PXN: variants seen among roughly 807,000 people sequenced by gnomAD.
PXN encodes the protein paxillin.
A neutral mutation model predicts 103.6 loss-of-function variants in PXN; 61 were observed. The ratio of observed to expected loss-of-function variants is 0.59; its 90% confidence interval spans 0.48 to 0.73. PXN has a LOEUF of 0.73. PXN is among the 30% of genes least tolerant of loss of function. The pLI is 0.00. For synonymous variants in PXN, 562 were observed against 607.8 expected (o/e 0.92, Z 1.11); for missense variants, 1,274 against 1,460.3 (o/e 0.87, Z 2.08).
chr12:120,255,567 G>A (rs909131134), intron 1 of PXN, among the ~76,000 whole-genome samples: 57 of 152,060 alleles, frequency 3.7e-4, no homozygotes, highest in African/African-American at 1.1e-3. Flanking sequence ...GGTGGCGGGC[G>A]CCTGTAGTCC....
rs1894608804 is a variant in PXN, at chr12:120,265,712, G to T, written c.-83C>A. ...GTCTATGCCCCGCAACTTTTCCGCCGCGAGCCTCGGCCCGGAACGGAACGC... is the reference window on the plus strand; with the variant it reads ...GTCTATGCCCCGCAACTTTTCCGCCTCGAGCCTCGGCCCGGAACGGAACGC... On this transcript the variant is annotated 5_prime_UTR_variant, in exon 1 of 15. Transcript: ENST00000637617. The surrounding 1 kb of genome is among the most constrained non-coding windows in gnomAD (Gnocchi z 5.7). 1.6e-6 allele frequency: 2 copies of T among 1,223,020 alleles called. No homozygotes were observed. The highest frequency in any genetic ancestry group is 2.1e-6 in the Non-Finnish European group (2 of 971,404). 75.8% of individuals were successfully genotyped at this position (1,223,020 alleles called of 1,614,324 possible). A position where few individuals can be genotyped will look rare whatever the true frequency, so the allele number is the denominator to read the frequency against.
At chr12:120,226,863 T>TATA in intron 1 of PXN, 3 of 1,002,336 alleles carry the variant, frequency 3.0e-6, no homozygotes, top group Non-Finnish European at 3.6e-6. Context: ...GTGAGGTTTA[T>TATA]AAGGGCTAGC....
intron 1 of PXN, among the ~76,000 whole-genome samples, chr12:120,252,281 T>C (rs1892314018): frequency 6.6e-6 from 1 of 152,166 alleles, no homozygotes; most frequent in Non-Finnish European, 1.5e-5. Flanking sequence ...CAAGGGGTAT[T>C]TGAAAGGCAG....
At chr12:120,226,583 A>T in intron 1 of PXN, 3 of 1,194,644 alleles carry the variant, frequency 2.5e-6, no homozygotes, top group Non-Finnish European at 3.2e-6. Context: ...ATGTGATTCT[A>T]AGCCTGGGCT....
intron 1 of PXN, among the ~76,000 whole-genome samples, chr12:120,231,437 T>G (rs745461686): frequency 3.9e-5 from 6 of 152,236 alleles, no homozygotes; most frequent in Non-Finnish European, 8.8e-5. Flanking sequence ...TCTCCTCCGC[T>G]GACTCATGCC....
Position 120,212,721 on chromosome 12 carries a change from A to C in PXN, c.2980-141T>G. 1.1e-6 allele frequency: 1 copy of C among 909,130 alleles called. No individual in the cohort carries two copies. The highest frequency in any genetic ancestry group is 1.6e-6 in the Non-Finnish European group (1 of 632,888). 56.3% of individuals were successfully genotyped at this position (909,130 alleles called of 1,614,324 possible). A position where few individuals can be genotyped will look rare whatever the true frequency, so the allele number is the denominator to read the frequency against. On this transcript the variant is annotated intron_variant, in intron 14 of 14. Coordinates refer to ENST00000637617, the MANE Select transcript of PXN (RefSeq NM_001385981.1). This position sits in a 1 kb window ranked among gnomAD's most constrained non-coding sequence, Gnocchi z 7.2. ...CGTTTCCCATGTGCCGTGTTGTCCT[A>C]AACGCTCATTTTTCATTTTTATTTT...
chr12:120,263,602 G>A (rs905945805), intron 1 of PXN, among the ~76,000 whole-genome samples: 4 of 152,152 alleles, frequency 2.6e-5, no homozygotes, highest in East Asian at 3.8e-4. Flanking sequence ...TCTTCGTCTC[G>A]GCTTTCTCAA....
At chr12:120,261,555 T>C (rs530243900) in intron 1 of PXN, among the ~76,000 whole-genome samples, 14 of 152,076 alleles carry the variant, frequency 9.2e-5, no homozygotes, top group Non-Finnish European at 1.9e-4. Flanking sequence ...GCAATGAGGC[T>C]GGAAGTTTAT....
rs907100335 is a variant in PXN, at chr12:120,215,867, G to C, written c.2302-206C>G. The C allele has an allele frequency of 6.1e-6, 8 of 1,315,504 alleles. No individual in the cohort carries two copies. 81.5% of individuals were successfully genotyped at this position (1,315,504 alleles called of 1,614,324 possible). On this transcript the variant is annotated intron_variant, in intron 9 of 14. Coordinates refer to ENST00000637617, the MANE Select transcript of PXN (RefSeq NM_001385981.1). This position sits in a 1 kb window ranked among gnomAD's most constrained non-coding sequence, Gnocchi z 4.9. ...GAGAAAGGAAGAAGGACAGGGAGGGGAGTCGACCAAAGGCAGAGGAAATGG... is the reference window on the plus strand; with the variant it reads ...GAGAAAGGAAGAAGGACAGGGAGGGCAGTCGACCAAAGGCAGAGGAAATGG...
chr12:120,215,110 G>C lies in PXN; in HGVS notation c.2567C>G (p.Ala856Gly). 6.3e-7 allele frequency: 1 copy of C among 1,578,634 alleles called. No individual in the cohort carries two copies. Among genetic ancestry groups the C allele is most frequent in the Non-Finnish European group, 8.6e-7 (1 of 1,160,152 alleles). ...CCCACTCCCCCTCATCACCTGCCCG[G>C]CGATGGGCTTCTTGCAGGCCCCGCA... ...GVCGACKKPI[A>G]GQVVTAMGKT... Residue 856 changes from alanine to glycine, a missense_variant, in exon 11 of 15, where the codon GCC (alanine) becomes GGC (glycine). This residue lies in a region of PXN where 1,178 missense variants were observed against 1,309.0 expected (regional missense o/e 0.90). Transcript: ENST00000637617. This position sits in a 1 kb window ranked among gnomAD's most constrained non-coding sequence, Gnocchi z 4.9.
intron 1 of PXN, among the ~76,000 whole-genome samples, chr12:120,235,292 G>A (rs1248404255): frequency 1.3e-5 from 2 of 152,140 alleles, no homozygotes; most frequent in Non-Finnish European, 2.9e-5. Context: ...TGCCAAAAAG[G>A]GATCCAAAGA....
In PXN at chr12:120,223,733, T is replaced by C; in HGVS notation, c.341A>G (p.Glu114Gly). 1 of 1,598,202 alleles carries C rather than the reference T, an allele frequency of 6.3e-7. No individual in the cohort carries two copies. The highest frequency in any genetic ancestry group is 8.5e-7 in the Non-Finnish European group (1 of 1,172,286). Residue 114 changes from glutamate (E) to glycine (G), a missense_variant, in exon 3 of 15, where the codon GAG becomes GGG. Physicochemically the swap from Glu to Gly is moderately conservative, Grantham distance 98. This residue lies in a region of PXN where 1,178 missense variants were observed against 1,309.0 expected (regional missense o/e 0.90). Coordinates refer to ENST00000637617, the MANE Select transcript of PXN (RefSeq NM_001385981.1). ...GGGGCAGTACCTGTAGACGTGCTCC[T>C]CCTCACCCACTCGGGAGCACGGAGA... ...VGSPCSRVGE[E>G]EHVYSFPNKQ...
At chr12:120,251,875 C>G (rs975467977) in intron 1 of PXN, among the ~76,000 whole-genome samples, 1 of 152,000 alleles carries the variant, frequency 6.6e-6, no homozygotes, top group African/African-American at 2.4e-5. Context: ...AAAGCCAAAC[C>G]CTCCACCCCA....
rs1169331559 is a variant in PXN, at chr12:120,217,481, G to A, written c.1717-365C>T. Among the ~76,000 whole-genome samples, 1 of 152,232 alleles carries A rather than the reference G, an allele frequency of 6.6e-6. No individual in the cohort carries two copies. The highest frequency in any genetic ancestry group is 1.5e-5 in the Non-Finnish European group (1 of 68,036). On this transcript the variant is annotated intron_variant, in intron 7 of 14. Coordinates refer to ENST00000637617, the MANE Select transcript of PXN (RefSeq NM_001385981.1). This position sits in a 1 kb window ranked among gnomAD's most constrained non-coding sequence, Gnocchi z 4.1. Reference sequence around the variant, plus strand: ...GGCTTACCGCACAGGGTTTGCACAAGAATTATTCCAGAGGATGTAAGTGCA... The same window carrying A: ...GGCTTACCGCACAGGGTTTGCACAAAAATTATTCCAGAGGATGTAAGTGCA...
Position 120,219,247 on chromosome 12 carries a change from C to CCCATGG in PXN, c.1670_1675dup (p.Ala557_Met558dup). On this transcript the variant is annotated inframe_insertion, in exon 7 of 15. Transcript: ENST00000637617. This position sits in a 1 kb window ranked among gnomAD's most constrained non-coding sequence, Gnocchi z 6.5. ...AATCCTCTCCGTGGTGCTGGGTGTG[C>CCCATGG]CCATGGCCATGGCACATGGAAGCTC... 6.3e-7 allele frequency: 1 copy of CCCATGG among 1,596,836 alleles called. No individual in the cohort carries two copies. The highest frequency in any genetic ancestry group is 8.5e-7 in the Non-Finnish European group (1 of 1,178,746).
rs894530514 is a variant in PXN at position 120,221,316 on chromosome 12, G to A, written c.831+307C>T. On this transcript the variant is annotated intron_variant, in intron 6 of 14. Transcript: ENST00000637617. This position sits in a 1 kb window ranked among gnomAD's most constrained non-coding sequence, Gnocchi z 6.6. ...TCAACACAAGGTTCTTTGTCCCAGC[G>A]TCCCAGCCTCCTGATCCCCTCGACC... 3.9e-5 allele frequency among the ~76,000 whole-genome samples: 6 copies of A among 152,082 alleles called. No homozygotes were observed. Among genetic ancestry groups the A allele is most frequent in the African/African-American group, 7.2e-5 (3 of 41,380 alleles).
chr12:120,248,735 G>T (rs79209164), intron 1 of PXN: 2,802 of 152,226 alleles, frequency 0.018, 99 homozygotes, highest in African/African-American at 0.065. Context: ...CTTCAGTGTC[G>T]TCAGCTAGAA....
rs548536679 is a variant in PXN at position 120,223,126 on chromosome 12, A to G, written c.357-127T>C. 22 of 1,468,504 alleles carry G rather than the reference A, an allele frequency of 1.5e-5. No homozygotes were observed. In the Admixed American group the frequency reaches 2.0e-4, roughly 13 times the overall value. The allele number at this position is 1,468,504 out of a possible 1,614,324, so 91.0% of individuals were successfully genotyped here. A position where few individuals can be genotyped will look rare whatever the true frequency, so the allele number is the denominator to read the frequency against. On this transcript the variant is annotated intron_variant, in intron 3 of 14. Coordinates refer to ENST00000637617, the MANE Select transcript of PXN (RefSeq NM_001385981.1). ...GAAGTCTTCCCCCGCAAGAGGACAG[A>G]GGGTAGGGAAGGGATGTGGTAAGAA...
Position 120,215,668 on chromosome 12 carries a change from T to C in PXN, c.2302-7A>G. Reference sequence around the variant, plus strand: ...TTTGCTCCAGGCCCTGGATCTTAGATAGGGGAAGAGATGAGGGTAAGAAAT... The same window carrying C: ...TTTGCTCCAGGCCCTGGATCTTAGACAGGGGAAGAGATGAGGGTAAGAAAT... On this transcript the variant is annotated splice_polypyrimidine_tract_variant and splice_region_variant and intron_variant, in intron 9 of 14. Coordinates refer to ENST00000637617, the MANE Select transcript of PXN (RefSeq NM_001385981.1). This position sits in a 1 kb window ranked among gnomAD's most constrained non-coding sequence, Gnocchi z 4.9. 2 of 1,601,034 alleles carry C rather than the reference T, an allele frequency of 1.2e-6. No individual in the cohort carries two copies. Among genetic ancestry groups the C allele is most frequent in the East Asian group, 2.2e-5 (1 of 44,586 alleles).
Sources: allele counts gnomAD v4.1 joint callset (sites outside exome capture counted in the v4.1 genomes callset), GRCh38; gene constraint gnomAD v4.1.1; regional missense constraint gnomAD v4.1.1; non-coding constraint Gnocchi (gnomAD v3.1); transcripts MANE v1.5; gene names NCBI Gene and HGNC (gene_info 2026-07-23, HGNC 2026-07-21).